Variants in THSD4 observed in about 807,000 individuals in gnomAD.
THSD4 encodes thrombospondin type 1 domain containing 4.
THSD4 carries 69 observed loss-of-function variants against 119.0 expected under a neutral mutation model. That is an observed-to-expected ratio of 0.58 (90% CI 0.48 to 0.71). THSD4 has a LOEUF of 0.71. THSD4 is among the 30% of genes least tolerant of loss of function. The probability of loss-of-function intolerance (pLI) is 0.00; values close to 1 mark genes in which losing one functional copy is unlikely to be tolerated. For synonymous variants in THSD4, 524 were observed against 540.4 expected, an observed-to-expected ratio of 0.97 and a Z score of 0.42; for missense variants, 1,393 against 1,391.1, an observed-to-expected ratio of 1.00 and a Z score of -0.02.
chr15:71,156,921 T>A (rs901398601), intron 3 of THSD4, among the ~76,000 whole-genome samples: 1 of 152,168 alleles, frequency 6.6e-6, no homozygotes, highest in Non-Finnish European at 1.5e-5. Flanking sequence ...ATCATTTCAA[T>A]GGATTCACCT....
intron 7 of THSD4, among the ~76,000 whole-genome samples, chr15:71,649,331 T>C (rs2051037117): frequency 6.6e-6 from 1 of 152,130 alleles, no homozygotes; most frequent in African/African-American, 2.4e-5. Flanking sequence ...TGGAGTGCAG[T>C]GGTGTGATCT....
chr15:71,369,211 A>G (rs984574918), intron 6 of THSD4, among the ~76,000 whole-genome samples: 14 of 152,204 alleles, frequency 9.2e-5, no homozygotes, highest in African/African-American at 2.9e-4. Flanking sequence ...TAAATATACA[A>G]TCATGTCATC....
chr15:71,588,996 A>G (rs1416806409), intron 7 of THSD4, among the ~76,000 whole-genome samples: 1 of 152,184 alleles, frequency 6.6e-6, no homozygotes, highest in Non-Finnish European at 1.5e-5. Flanking sequence ...AGAGAGACCC[A>G]GGAATTTGCT....
At chr15:71,384,102 G>A (rs1032557997) in intron 6 of THSD4, among the ~76,000 whole-genome samples, 4 of 152,292 alleles carry the variant, frequency 2.6e-5, no homozygotes, top group Admixed American at 6.5e-5. Flanking sequence ...TTTTGTGGCC[G>A]GGCGCGGTGG....
intron 17 of THSD4, among the ~76,000 whole-genome samples, chr15:71,774,224 T>C (rs552939703): frequency 1.1e-4 from 16 of 148,942 alleles, no homozygotes; most frequent in African/African-American, 4.0e-4. Flanking sequence ...GGTGGGAGAA[T>C]CACCTGAGCC....
At chr15:71,306,187 T>G (rs1263641849) in intron 6 of THSD4, among the ~76,000 whole-genome samples, 1 of 151,610 alleles carries the variant, frequency 6.6e-6, no homozygotes, top group Admixed American at 6.6e-5. Context: ...GCACCTGTAA[T>G]CCCAGCTACT....
chr15:71,368,978 T>A (rs1173558550), intron 6 of THSD4, among the ~76,000 whole-genome samples: 4 of 152,210 alleles, frequency 2.6e-5, no homozygotes, highest in African/African-American at 7.2e-5. Flanking sequence ...TGGTTTGTAG[T>A]TCTCCTTGAA....
chr15:71,278,701 T>C (rs1372952096), intron 6 of THSD4, among the ~76,000 whole-genome samples: 1 of 152,038 alleles, frequency 6.6e-6, no homozygotes, highest in Non-Finnish European at 1.5e-5. Context: ...CAGTCTGAAA[T>C]ATGGCAGGTT....
At chr15:71,493,801 G>T (rs926048616) in intron 7 of THSD4, among the ~76,000 whole-genome samples, 9 of 152,188 alleles carry the variant, frequency 5.9e-5, no homozygotes, top group Non-Finnish European at 1.3e-4. Context: ...AATCAGCCAC[G>T]GCTGCCTTCC....
chr15:71,131,721 C>T (rs1397623773), intron 1 of THSD4, among the ~76,000 whole-genome samples: 2 of 152,178 alleles, frequency 1.3e-5, no homozygotes. Flanking sequence ...GTGTTTCCCA[C>T]ACTCCTTTGC....
At chr15:71,448,901 A>G (rs903544756) in intron 7 of THSD4, among the ~76,000 whole-genome samples, 1 of 152,236 alleles carries the variant, frequency 6.6e-6, no homozygotes, top group Non-Finnish European at 1.5e-5. Flanking sequence ...GCTCCCAGGC[A>G]TGGCTGGGTG....
chr15:71,743,583 C>G (rs965391054), intron 11 of THSD4, among the ~76,000 whole-genome samples: 3 of 152,170 alleles, frequency 2.0e-5, no homozygotes, highest in African/African-American at 7.2e-5. Context: ...CTTTGCATCC[C>G]ATTAACTTTA....
intron 7 of THSD4, among the ~76,000 whole-genome samples, chr15:71,620,164 T>C (rs955839117): frequency 1.3e-5 from 2 of 152,198 alleles, no homozygotes; most frequent in Non-Finnish European, 1.5e-5. Flanking sequence ...TTAGTACCTG[T>C]GAGGCTTTGG....
intron 6 of THSD4, among the ~76,000 whole-genome samples, chr15:71,402,446 C>T (rs28454401): frequency 0.15 from 22,948 of 152,076 alleles, 1,786 homozygotes; most frequent in South Asian, 0.25. Flanking sequence ...GAGCACTGAT[C>T]CTAAAGCAGA....
At chr15:71,124,030 T>G (rs12909954) in intron 1 of THSD4, among the ~76,000 whole-genome samples, 1 of 152,044 alleles carries the variant, frequency 6.6e-6, no homozygotes, top group Non-Finnish European at 1.5e-5. Flanking sequence ...GTTGCCAAGC[T>G]GGTGGTCGTG....
At chr15:71,423,840 T>C (rs1566977617) in intron 7 of THSD4, among the ~76,000 whole-genome samples, 1 of 152,192 alleles carries the variant, frequency 6.6e-6, no homozygotes, top group Non-Finnish European at 1.5e-5. Context: ...AGCCTTGCCA[T>C]AACTCAAGTT....
intron 8 of THSD4, among the ~76,000 whole-genome samples, chr15:71,670,368 A>C (rs1387463996): frequency 7.4e-5 from 11 of 148,678 alleles, no homozygotes; most frequent in East Asian, 6.2e-4. Context: ...GCTCAGAATG[A>C]TGGTTTCCAG....
chr15:71,140,491 C>T (rs1042472081), intron 1 of THSD4, among the ~76,000 whole-genome samples: 2 of 152,180 alleles, frequency 1.3e-5, no homozygotes, highest in East Asian at 3.9e-4. Context: ...GACCAGACAC[C>T]TCCAATGGAC....
At chr15:71,639,100 A>G (rs1208101579) in intron 7 of THSD4, among the ~76,000 whole-genome samples, 1 of 152,228 alleles carries the variant, frequency 6.6e-6, no homozygotes, top group Non-Finnish European at 1.5e-5. Flanking sequence ...GGCCAGAACT[A>G]GTCACATGGC....
Sources: gnomAD v4.1 joint callset for allele counts (sites outside exome capture counted in the v4.1 genomes callset) on GRCh38, gnomAD v4.1.1 for gene constraint, MANE v1.5 for transcripts, NCBI Gene and HGNC (gene_info 2026-07-23, HGNC 2026-07-21) for gene names.